The following ERI1 variants were observed in gnomAD, a reference collection of about 807,000 sequenced individuals.
ERI1 encodes exoribonuclease 1, also known as 3'-5' exoribonuclease 1.
Under a neutral mutation model 39.7 loss-of-function variants are expected in ERI1, and 39 were observed. The ratio of observed to expected loss-of-function variants is 0.98; its 90% CI spans 0.76 to 1.28. The LOEUF is 1.28. Ranked by LOEUF, ERI1 falls within the 50% of genes most tolerant of loss-of-function variation. The probability of loss-of-function intolerance (pLI) is 0.00; values close to 1 mark genes in which losing one functional copy is unlikely to be tolerated. For synonymous variants in ERI1, 204 were observed against 149.6 expected, an observed-to-expected ratio of 1.36 and a Z score of -2.65; for missense variants, 581 against 416.9, an observed-to-expected ratio of 1.39 and a Z score of -3.43.
chr8:9,057,658 G>C (rs186575152), intron 3 of ERI1, among the ~76,000 whole-genome samples: 2 of 152,130 alleles, frequency 1.3e-5, no homozygotes, highest in Non-Finnish European at 2.9e-5. Flanking sequence ...ATTCTAGTGA[G>C]GAGAGGAAGA....
At chr8:9,060,844 C>T (rs970390258) in intron 3 of ERI1, among the ~76,000 whole-genome samples, 3 of 152,156 alleles carry the variant, frequency 2.0e-5, no homozygotes, top group Non-Finnish European at 2.9e-5. Flanking sequence ...TTTTGATGCC[C>T]CTTGCAGTGA....
chr8:9,010,453 CAATATT>C (rs1355345306), intron 2 of ERI1, among the ~76,000 whole-genome samples: 1 of 152,076 alleles, frequency 6.6e-6, no homozygotes, highest in Non-Finnish European at 1.5e-5. Context: ...AGCAAAGAAA[CAATATT>C]AAGACATTTC....
intron 3 of ERI1, among the ~76,000 whole-genome samples, chr8:9,075,366 G>A (rs954292205): frequency 6.6e-6 from 1 of 152,056 alleles, no homozygotes; most frequent in Non-Finnish European, 1.5e-5. Flanking sequence ...ATATTTTCAG[G>A]GTTTGGAGAC....
Position 9,018,405 on chromosome 8 carries a change from G to A in ERI1, c.691G>A (p.Gly231Ser). The change falls in exon 5 of 7, where the codon GGT becomes AGT. Residue 231 changes from glycine (G) to serine (S), a missense_variant and splice_region_variant. Coordinates refer to ENST00000250263, the MANE Select transcript of ERI1 (RefSeq NM_153332.4). The stretch of plus-strand genomic sequence containing the variant: ...GTATAAATACTCACTTTTAACAGAT[G>A]GGTAAGTATTTAGGAAGATTATTTT... Reference protein sequence around the residue: ...TKYKYSLLTDGSWDMSKFLNI... With the variant: ...TKYKYSLLTDSSWDMSKFLNI... The A allele has an allele frequency of 2.0e-6, 3 of 1,486,318 alleles. No individual in the cohort carries two copies. Among genetic ancestry groups the A allele is most frequent in the Non-Finnish European group, 1.9e-6 (2 of 1,068,894 alleles). 92.1% of individuals were successfully genotyped at this position (1,486,318 alleles called of 1,614,324 possible). A position where few individuals can be genotyped will look rare whatever the true frequency, so the allele number is the denominator to read the frequency against.
intron 3 of ERI1, among the ~76,000 whole-genome samples, chr8:9,048,723 C>T (rs909008815): frequency 2.0e-5 from 3 of 152,210 alleles, no homozygotes; most frequent in African/African-American, 4.8e-5. Context: ...TAGTTGACTG[C>T]AGCCTCAATC....
chr8:9,079,223 G>C (rs1799299317), intron 3 of ERI1, among the ~76,000 whole-genome samples: 1 of 152,174 alleles, frequency 6.6e-6, no homozygotes, highest in Non-Finnish European at 1.5e-5. Context: ...GTAAAAGGGT[G>C]GAACAATGGG....
At chr8:9,062,372 C>G (rs527799771) in intron 3 of ERI1, among the ~76,000 whole-genome samples, 2 of 151,676 alleles carry the variant, frequency 1.3e-5, no homozygotes, top group Non-Finnish European at 2.9e-5. Context: ...AGTCCAGGAA[C>G]AGTCAGGGAA....
At chr8:9,049,544 T>TA (rs1798290891) in intron 3 of ERI1, among the ~76,000 whole-genome samples, 17 of 118,820 alleles carry the variant, frequency 1.4e-4, no homozygotes, top group South Asian at 9.9e-4. Flanking sequence ...AATTTTGACT[T>TA]TAAAAAAAAA....
downstream of ERI1, among the ~76,000 whole-genome samples, chr8:9,034,904 G>A (rs1797793322): frequency 6.6e-6 from 1 of 152,182 alleles, no homozygotes; most frequent in Admixed American, 6.5e-5. Context: ...GCACACAAGT[G>A]ATAAGAAAGC....
At chr8:9,075,552 C>A (rs1481888511) in intron 3 of ERI1, among the ~76,000 whole-genome samples, 2 of 151,170 alleles carry the variant, frequency 1.3e-5, no homozygotes, top group African/African-American at 2.4e-5. Flanking sequence ...ATAGCACTGA[C>A]CCTATTATTA....
intron 1 of ERI1, among the ~76,000 whole-genome samples, chr8:9,005,514 G>GTTTTTTTT (rs60847461): frequency 7.6e-6 from 1 of 130,822 alleles, no homozygotes. Context: ...GTTTTTTTAT[G>GTTTTTTTT]TTTTTTTTTT....
intron 3 of ERI1, among the ~76,000 whole-genome samples, chr8:9,042,375 A>G (rs1490554844): frequency 6.6e-6 from 1 of 152,152 alleles, no homozygotes; most frequent in African/African-American, 2.4e-5. Context: ...TTTCTTGAGT[A>G]TTTCATAGGT....
chr8:9,054,842 C>T (rs773791285), intron 3 of ERI1, among the ~76,000 whole-genome samples: 3 of 152,202 alleles, frequency 2.0e-5, no homozygotes, highest in Non-Finnish European at 2.9e-5. Context: ...ACAGGAGACT[C>T]GGTTGAACCC....
intron 3 of ERI1, among the ~76,000 whole-genome samples, chr8:9,012,665 T>C (rs1384632659): frequency 6.6e-6 from 1 of 152,230 alleles, no homozygotes; most frequent in Non-Finnish European, 1.5e-5. Context: ...ACTTCTCTCT[T>C]ACTCAAGGAC....
In ERI1 at chr8:9,029,993, G is replaced by C. The variant is rs990330331; in HGVS notation, c.1009G>C (p.Glu337Gln). ...LMSVSSSLPI[E>Q]GTPPPQMPHF... The stretch of plus-strand genomic sequence containing the variant: ...GAGTGTGTCCTCTTCCTTACCAATA[G>C]AGGGCACTCCACCACCACAAATGCC... Residue 337 changes from glutamate (E) to glutamine (Q), a missense_variant, in exon 7 of 7, where the codon GAG (glutamate) becomes CAG (glutamine). Glu to Gln is a conservative substitution (Grantham distance 29). Transcript: ENST00000250263. 2 of 1,613,192 alleles carry C rather than the reference G, an allele frequency of 1.2e-6. No homozygotes were observed. Among genetic ancestry groups the C allele is most frequent in the Non-Finnish European group, 1.7e-6 (2 of 1,179,870 alleles).
intron 3 of ERI1, among the ~76,000 whole-genome samples, chr8:9,055,453 C>G (rs1798477442): frequency 6.6e-6 from 1 of 152,196 alleles, no homozygotes; most frequent in Admixed American, 6.5e-5. Context: ...TCTTCTTGGC[C>G]TCTCGTTTGC....
intron 3 of ERI1, among the ~76,000 whole-genome samples, chr8:9,099,349 C>A (rs75586596): frequency 0.013 from 1,958 of 152,084 alleles, 19 homozygotes; most frequent in Non-Finnish European, 0.021. Context: ...TGCCTGTAAT[C>A]CCAGCACTTA....
At chr8:9,074,407 G>A (rs1187015257) in intron 3 of ERI1, among the ~76,000 whole-genome samples, 1 of 151,952 alleles carries the variant, frequency 6.6e-6, no homozygotes, top group African/African-American at 2.4e-5. Flanking sequence ...TTACAGGCAT[G>A]AACCACTGCA....
intron 3 of ERI1, among the ~76,000 whole-genome samples, chr8:9,097,914 T>C (rs969840222): frequency 4.6e-5 from 7 of 152,142 alleles, no homozygotes; most frequent in Admixed American, 3.3e-4. Context: ...GGTATATGTA[T>C]ATACACCATG....
Sources: gnomAD v4.1 joint callset for allele counts (sites outside exome capture counted in the v4.1 genomes callset) on GRCh38, gnomAD v4.1.1 for gene constraint, MANE v1.5 for transcripts, NCBI Gene and HGNC (gene_info 2026-07-23, HGNC 2026-07-21) for gene names.